The following CTNNA3 variants were observed in gnomAD, a reference collection of about 807,000 sequenced individuals.
The protein encoded by CTNNA3 is catenin alpha 3.
A neutral mutation model predicts 95.7 loss-of-function variants in CTNNA3; 76 were observed. The observed-to-expected ratio is 0.79, with a 90% CI of 0.66 to 0.96. The LOEUF (loss-of-function observed/expected upper bound fraction) is 0.96. Ranked by LOEUF, CTNNA3 falls within the 40% of genes least tolerant of loss-of-function variation. The probability of loss-of-function intolerance (pLI) is 0.00; values close to 1 mark genes in which losing one functional copy is unlikely to be tolerated. For missense variants in CTNNA3, 1,191 were observed against 1,089.8 expected (o/e 1.09, Z -1.31); for synonymous variants, 431 against 374.4 (o/e 1.15, Z -1.74).
At chr10:67,485,437 T>C (rs1489101870) in intron 5 of CTNNA3, among the ~76,000 whole-genome samples, 2 of 152,074 alleles carry the variant, frequency 1.3e-5, no homozygotes, top group African/African-American at 4.8e-5. Flanking sequence ...GCCCAAACCT[T>C]AGCAGCTTGC....
intron 9 of CTNNA3, among the ~76,000 whole-genome samples, chr10:66,650,463 T>G (rs1301786174): frequency 6.6e-6 from 1 of 152,036 alleles, no homozygotes; most frequent in Non-Finnish European, 1.5e-5. Flanking sequence ...AAAAACTATT[T>G]TGAGATAAGT....
chr10:67,734,170 T>G (rs573819939), intron 1 of CTNNA3, among the ~76,000 whole-genome samples: 17 of 152,184 alleles, frequency 1.1e-4, no homozygotes, highest in Non-Finnish European at 2.2e-4. Flanking sequence ...AAAATTACCA[T>G]AACTTCTGTT....
intron 12 of CTNNA3, 48 bp downstream of exon 12, chr10:66,379,104 A>T: frequency 7.0e-7 from 1 of 1,432,586 alleles, no homozygotes; most frequent in East Asian, 2.3e-5. Context: ...GTAGCTATGT[A>T]GATTCAAATA....
intron 11 of CTNNA3, among the ~76,000 whole-genome samples, chr10:66,403,767 A>T (rs1009009833): frequency 2.6e-5 from 4 of 152,220 alleles, no homozygotes; most frequent in Admixed American, 2.6e-4. Context: ...TCATGACAGT[A>T]AGAGAAATCT....
At chr10:67,097,493 G>C in intron 7 of CTNNA3, 1 of 1,055,960 alleles carries the variant, frequency 9.5e-7, no homozygotes, top group Non-Finnish European at 1.4e-6. Flanking sequence ...TATAACCATG[G>C]AGGTTAGTCA....
At chr10:66,520,339 C>T (rs2132019826) in intron 11 of CTNNA3, among the ~76,000 whole-genome samples, 1 of 144,968 alleles carries the variant, frequency 6.9e-6, no homozygotes. Context: ...GCAACCTCTG[C>T]CTCCTGGGTT....
chr10:66,726,371 T>C (rs1471597371), intron 9 of CTNNA3, among the ~76,000 whole-genome samples: 1 of 152,060 alleles, frequency 6.6e-6, no homozygotes, highest in Non-Finnish European at 1.5e-5. Context: ...CATAAAATTA[T>C]ATGCCAATCT....
intron 2 of CTNNA3, among the ~76,000 whole-genome samples, chr10:67,617,213 T>C (rs1843683696): frequency 6.6e-6 from 1 of 152,186 alleles, no homozygotes; most frequent in Admixed American, 6.5e-5. Context: ...ATCACCCAGG[T>C]ATGAAGCCTA....
chr10:66,461,671 C>A (rs752840104), intron 11 of CTNNA3, among the ~76,000 whole-genome samples: 1 of 135,982 alleles, frequency 7.4e-6, no homozygotes, highest in East Asian at 2.8e-4. Flanking sequence ...TTTGCACTCA[C>A]GTTATATATA....
chr10:67,730,225 G>A lies in CTNNA3; in HGVS notation c.-2+33209C>T, dbSNP rs1396050237. Among the ~76,000 whole-genome samples the A allele has an allele frequency of 2.0e-5, 3 of 151,910 alleles. No homozygotes were observed. The East Asian group carries it at 5.8e-4, about 29-fold the overall frequency. On this transcript the variant is annotated intron_variant, in intron 1 of 17. Coordinates refer to the CTNNA3 transcript ENST00000684154. ...ACATACTCGAGCTAAAAAGCAGAGA[G>A]GTAAACAGATTACTTTTAACTAGAT...
intron 2 of CTNNA3, among the ~76,000 whole-genome samples, chr10:67,634,138 G>A (rs763797144): frequency 6.6e-6 from 1 of 152,134 alleles, no homozygotes; most frequent in Non-Finnish European, 1.5e-5. Flanking sequence ...CCACTCAGTG[G>A]AAACCCTACA....
chr10:67,580,516 G>T (rs1422496864), intron 3 of CTNNA3, among the ~76,000 whole-genome samples: 1 of 150,964 alleles, frequency 6.6e-6, no homozygotes, highest in Non-Finnish European at 1.5e-5. Flanking sequence ...TGTTCTTTTG[G>T]CTTAGGATTG....
At chr10:67,514,626 G>T (rs1009193509) in intron 5 of CTNNA3, among the ~76,000 whole-genome samples, 1 of 151,600 alleles carries the variant, frequency 6.6e-6, no homozygotes, top group Non-Finnish European at 1.5e-5. Flanking sequence ...GTCAATATAA[G>T]ACATGCACAA....
chr10:66,036,616 T>C lies in CTNNA3; in HGVS notation c.2159+32692A>G, dbSNP rs181750003. ...GACTCAAACTCCTGGCCTCAGGTGA[T>C]CCACCCACCTCAGCCTCCCAATGTG... is the stretch of plus-strand genomic sequence containing the variant. On this transcript the variant is annotated intron_variant, in intron 15 of 17. Transcript: ENST00000433211. Among the ~76,000 whole-genome samples the C allele has an allele frequency of 3.4e-3, 515 of 152,068 alleles. 1 individual carries two copies. The highest frequency in any genetic ancestry group is 0.024 in the Middle Eastern group (7 of 294).
Position 66,489,116 on chromosome 10 carries a change from C to T in CTNNA3, c.1531+31501G>A, listed in dbSNP as rs112840791. On this transcript the variant is annotated intron_variant, in intron 11 of 17. Transcript: ENST00000433211. ...CTACTACATACACAGGGTGCATTGA[C>T]GAACCAAGGTTAGATCACTCATCAG... Among the ~76,000 whole-genome samples, 495 of 152,150 alleles carry T rather than the reference C, an allele frequency of 3.3e-3. 6 individuals carry two copies. The highest frequency in any genetic ancestry group is 0.012 in the African/African-American group (480 of 41,512).
intron 4 of CTNNA3, among the ~76,000 whole-genome samples, chr10:67,538,049 C>A (rs1840538892): frequency 1.4e-5 from 2 of 147,920 alleles, no homozygotes; most frequent in South Asian, 2.1e-4. Flanking sequence ...CTCAACAAAC[C>A]AAGAAGCAAG....
At position 67,503,464 on chromosome 10, in the gene CTNNA3, G is replaced by C. The variant is rs534804237; in HGVS notation, c.579+18378C>G. 2.0e-5 allele frequency among the ~76,000 whole-genome samples: 3 copies of C among 152,096 alleles called. No homozygotes were observed. In the East Asian group the frequency reaches 5.8e-4, roughly 29 times the overall value. On this transcript the variant is annotated intron_variant, in intron 5 of 17. Coordinates refer to ENST00000433211, the MANE Select transcript of CTNNA3 (RefSeq NM_013266.4). ...TTAACTATTTTTTTTTATTATTCTG[G>C]TGTGTGATTTCTCTCTTTCGTTTAA... is the stretch of plus-strand genomic sequence containing the variant.
At chr10:67,370,979 G>A (rs1468709279) in intron 5 of CTNNA3, among the ~76,000 whole-genome samples, 1 of 148,142 alleles carries the variant, frequency 6.8e-6, no homozygotes, top group Non-Finnish European at 1.5e-5. Flanking sequence ...CCATTCTCCT[G>A]CCTCAGCCTC....
chr10:66,585,211 A>G (rs1037499622), intron 10 of CTNNA3, among the ~76,000 whole-genome samples: 2 of 151,738 alleles, frequency 1.3e-5, no homozygotes, highest in Non-Finnish European at 2.9e-5. Context: ...TGACCTTCTT[A>G]TATTTGGATA....
Sources: gnomAD v4.1 joint callset for allele counts (sites outside exome capture counted in the v4.1 genomes callset) on GRCh38, gnomAD v4.1.1 for gene constraint, MANE v1.5 for transcripts, NCBI Gene and HGNC (gene_info 2026-07-23, HGNC 2026-07-21) for gene names.